The following GNB5 variants were observed in gnomAD, a reference collection of about 807,000 sequenced individuals.
GNB5 encodes G protein subunit beta 5.
Under a neutral mutation model 55.3 loss-of-function variants are expected in GNB5, and 37 were observed. The ratio of observed to expected loss-of-function variants is 0.67; its 90% CI spans 0.51 to 0.88. The LOEUF is 0.88. Among genes scored for constraint, GNB5 ranks in the 40% least tolerant of loss-of-function variants. The pLI is 0.00. For missense variants in GNB5, 476 were observed against 515.3 expected, an observed-to-expected ratio of 0.92 and a Z score of 0.74; for synonymous variants, 219 against 198.5, an observed-to-expected ratio of 1.10 and a Z score of -0.87.
intron 3 of GNB5, among the ~76,000 whole-genome samples, chr15:52,159,708 G>A (rs1253173965): frequency 6.6e-6 from 1 of 152,186 alleles, no homozygotes; most frequent in East Asian, 1.9e-4. Context: ...ACAGAAAAGA[G>A]TAAGACAGTC....
intron 2 of GNB5, chr15:52,181,096 C>A (rs1157712340): frequency 6.6e-6 from 1 of 152,152 alleles, no homozygotes; most frequent in Non-Finnish European, 1.5e-5. Context: ...AGAACATCGC[C>A]AAGCAGAATC....
At chr15:52,142,325 G>T (rs759699986) in intron 6 of GNB5, among the ~76,000 whole-genome samples, 1 of 152,160 alleles carries the variant, frequency 6.6e-6, no homozygotes, top group Non-Finnish European at 1.5e-5. Context: ...GGCTTTACAT[G>T]ATTATCCTTG....
intron 7 of GNB5, chr15:52,137,338 G>A: frequency 9.4e-7 from 1 of 1,060,616 alleles, no homozygotes. Flanking sequence ...GGTGATATCT[G>A]AGTTGGTCTT....
intron 7 of GNB5, among the ~76,000 whole-genome samples, chr15:52,140,475 TC>T (rs2033827671): frequency 6.6e-6 from 1 of 152,082 alleles, no homozygotes; most frequent in Non-Finnish European, 1.5e-5. Flanking sequence ...GCTCCCCAGT[TC>T]CCCCACTGTC....
chr15:52,128,503 CTATAAA>C (rs2033485738), intron 9 of GNB5: 1 of 621,784 alleles, frequency 1.6e-6, no homozygotes, highest in East Asian at 2.9e-5. Context: ...AGTAGACCCC[CTATAAA>C]TATAGTTTCC....
At chr15:52,167,439 G>A (rs920581290) in intron 3 of GNB5, among the ~76,000 whole-genome samples, 1 of 152,190 alleles carries the variant, frequency 6.6e-6, no homozygotes, top group African/African-American at 2.4e-5. Context: ...GGAGGCTGAG[G>A]CGGGTGGATC....
At chr15:52,148,278 C>G (rs529592449) in intron 5 of GNB5, among the ~76,000 whole-genome samples, 2 of 152,246 alleles carry the variant, frequency 1.3e-5, no homozygotes, top group East Asian at 3.9e-4. Context: ...TCTGCAAGAG[C>G]CTGTGTCCAC....
intron 3 of GNB5, among the ~76,000 whole-genome samples, chr15:52,169,902 G>C (rs1368885573): frequency 6.6e-6 from 1 of 152,070 alleles, no homozygotes; most frequent in Admixed American, 6.6e-5. Context: ...AGTGGGCAAA[G>C]GACATGAACA....
At chr15:52,178,449 C>T (rs978442516) in intron 3 of GNB5, among the ~76,000 whole-genome samples, 3 of 152,162 alleles carry the variant, frequency 2.0e-5, no homozygotes, top group African/African-American at 2.4e-5. Flanking sequence ...ATGTTTGGAG[C>T]TGTGGCAATC....
At chr15:52,154,457 T>A (rs1184726925) in intron 3 of GNB5, among the ~76,000 whole-genome samples, 2 of 152,204 alleles carry the variant, frequency 1.3e-5, no homozygotes, top group Non-Finnish European at 2.9e-5. Context: ...GAGACCGCTA[T>A]GCCCATTTAG....
chr15:52,177,845 C>G (rs377466217), intron 3 of GNB5, among the ~76,000 whole-genome samples: 2 of 152,146 alleles, frequency 1.3e-5, no homozygotes, highest in East Asian at 3.9e-4. Context: ...GACTTCTGGT[C>G]TTTCCAGCTC....
intron 4 of GNB5, 80 bp from the exon 5 acceptor site, chr15:52,150,005 T>A (rs1028915209): frequency 1.9e-6 from 2 of 1,046,376 alleles, no homozygotes; most frequent in Admixed American, 3.4e-5. Flanking sequence ...AAAAGCTGTG[T>A]CCAGCAGGGC....
chr15:52,141,240 A>G lies in GNB5; in HGVS notation c.527T>C (p.Leu176Ser). The G allele has an allele frequency of 1.9e-6, 3 of 1,613,910 alleles. No individual in the cohort carries two copies. Among genetic ancestry groups the G allele is most frequent in the Non-Finnish European group, 2.5e-6 (3 of 1,179,806 alleles). Reference protein sequence around the residue: ...GLDNKCSVYPLTFDKNENMAA... With the variant: ...GLDNKCSVYPSTFDKNENMAA... ...CATGTTTTCATTTTTGTCAAACGTC[A>G]AGGGGTACACAGAACACTTATTATC... Residue 176 changes from leucine to serine, a missense_variant, in exon 7 of 13, where the codon TTG becomes TCG. By Grantham distance (145) the Leu-to-Ser change is moderately radical. Coordinates refer to ENST00000261837, the MANE Select transcript of GNB5 (RefSeq NM_016194.4).
At chr15:52,169,995 T>C (rs189224533) in intron 3 of GNB5, among the ~76,000 whole-genome samples, 3 of 152,228 alleles carry the variant, frequency 2.0e-5, no homozygotes, top group East Asian at 1.9e-4. Context: ...GAAATGCATA[T>C]CAAAACCACA....
At chr15:52,172,721 G>A (rs111416151) in intron 3 of GNB5, among the ~76,000 whole-genome samples, 20 of 152,126 alleles carry the variant, frequency 1.3e-4, no homozygotes, top group African/African-American at 3.9e-4. Context: ...AACCATGATC[G>A]GGCCACTGTA....
Position 52,136,172 on chromosome 15 carries a change from A to ACACACACACACC in GNB5, c.628-417_628-416insGGTGTGTGTGTG, listed in dbSNP as rs1168734914. Among the ~76,000 whole-genome samples, 719 of 100,038 alleles carry ACACACACACACC rather than the reference A, an allele frequency of 7.2e-3. 70 individuals are homozygous for ACACACACACACC. Among genetic ancestry groups the ACACACACACACC allele is most frequent in the African/African-American group, 0.029 (664 of 22,716 alleles). 65.6% of individuals were successfully genotyped at this position (100,038 alleles called of 152,430 possible). On this transcript the variant is annotated intron_variant, in intron 7 of 12. Transcript: ENST00000261837. ...CACACACACACACACACACACACACACCCTACCTGCTGTATCTGGGTTCAT... is the reference window on the plus strand; with the variant it reads ...CACACACACACACACACACACACACACACACACACACCCCCTACCTGCTGTATCTGGGTTCAT...
rs951579726 is a variant in GNB5, at chr15:52,152,790, C to T, written c.375+1150G>A. On this transcript the variant is annotated intron_variant, in intron 4 of 12. Transcript: ENST00000261837. ...GCACTACAGGCACGCACCACCATGC[C>T]CAGCTGATTCTGTATTTCTATTTTT... Among the ~76,000 whole-genome samples the T allele has an allele frequency of 8.5e-5, 13 of 152,206 alleles. No individual in the cohort carries two copies. The South Asian group carries it at 1.7e-3, about 19-fold the overall frequency.
chr15:52,126,049 G>C lies in GNB5; in HGVS notation c.913-5C>G, dbSNP rs369054260. On this transcript the variant is annotated splice_region_variant and splice_polypyrimidine_tract_variant and intron_variant, in intron 10 of 12. Transcript: ENST00000261837. Reference sequence around the variant, plus strand: ...CCGCAGGTCATAGAGGCGACACTGGGGAGCAAATAAATAAAGAAGCACTTA... The same window carrying C: ...CCGCAGGTCATAGAGGCGACACTGGCGAGCAAATAAATAAAGAAGCACTTA... 89 of 1,449,604 alleles carry C rather than the reference G, an allele frequency of 6.1e-5. No homozygotes were observed. The highest frequency in any genetic ancestry group is 8.3e-5 in the Non-Finnish European group (86 of 1,036,348). The allele number at this position is 1,449,604 out of a possible 1,614,324, so 89.8% of individuals were successfully genotyped here.
chr15:52,184,656 G>T lies in GNB5; in HGVS notation c.21C>A (p.Leu7=), dbSNP rs373616639. The T allele has an allele frequency of 6.2e-7, 1 of 1,613,374 alleles. No homozygotes were observed. Among genetic ancestry groups the T allele is most frequent in the Admixed American group, 1.7e-5 (1 of 59,984 alleles). Residue 7 remains leucine (L), a synonymous_variant, in exon 2 of 13, where the codon CTC becomes CTA. Coordinates refer to ENST00000261837, the MANE Select transcript of GNB5 (RefSeq NM_016194.4). ...TGTCACATGAGCCAAATACATTAAC[G>T]AGAAAGGTCTGATCACACATCTTTT... is the stretch of plus-strand genomic sequence containing the variant. MCDQTF[L]VNVFGSCDKC...
Sources: gnomAD v4.1 joint callset for allele counts (sites outside exome capture counted in the v4.1 genomes callset) on GRCh38, gnomAD v4.1.1 for gene constraint, MANE v1.5 for transcripts, NCBI Gene and HGNC (gene_info 2026-07-23, HGNC 2026-07-21) for gene names.